The following ANXA10 variants were observed in gnomAD, a reference collection of about 807,000 sequenced individuals.
ANXA10 encodes annexin A10, also known as annexin 14.
A neutral mutation model predicts 53.5 loss-of-function variants in ANXA10; 49 were observed. That is an observed-to-expected ratio of 0.92 (90% CI 0.73 to 1.16). The LOEUF (loss-of-function observed/expected upper bound fraction) is 1.16, where lower values mean the gene tolerates loss of function less well. ANXA10 is among the 50% of genes most tolerant of loss of function. The pLI is 0.00. For missense variants in ANXA10, 393 were observed against 394.4 expected (o/e 1.00, Z 0.03); for synonymous variants, 131 against 128.9 (o/e 1.02, Z -0.11).
At chr4:168,139,644 A>C (rs1185916167) in intron 3 of ANXA10, 64 bp downstream of exon 3, 1 of 1,245,552 alleles carries the variant, frequency 8.0e-7, no homozygotes, top group Non-Finnish European at 1.1e-6. Flanking sequence ...ACACTCACGG[A>C]TAATAGGTAT....
chr4:168,178,034 AAAG>A (rs780761314), intron 8 of ANXA10, 51 bp downstream of exon 8: 9 of 1,532,590 alleles, frequency 5.9e-6, no homozygotes, highest in Non-Finnish European at 7.2e-6. Flanking sequence ...TATATAACAA[AAAG>A]AAGGTGGTTA....
intron 3 of ANXA10, among the ~76,000 whole-genome samples, chr4:168,152,219 A>G (rs1731509721): frequency 6.6e-6 from 1 of 152,190 alleles, no homozygotes; most frequent in Admixed American, 6.5e-5. Context: ...AATTTTAAAC[A>G]GGATAAACAG....
At chr4:168,155,916 TATATATC>T (rs1223027829) in intron 3 of ANXA10, among the ~76,000 whole-genome samples, 805 of 2,960 alleles carry the variant, frequency 0.27, 83 homozygotes, top group Middle Eastern at 0.5. Context: ...TATATTATAT[TATATATC>T]ATATATTATA....
chr4:168,126,632 A>C (rs1731074592), intron 1 of ANXA10, among the ~76,000 whole-genome samples: 1 of 151,988 alleles, frequency 6.6e-6, no homozygotes, highest in African/African-American at 2.4e-5. Context: ...TTCCCCCCAC[A>C]CCTTCTTCTC....
rs972351297 is a variant in ANXA10, at chr4:168,111,651, C to T, written c.19-16433C>T. The stretch of plus-strand genomic sequence containing the variant: ...GAACACTTACCTTGCCTGATACACT[C>T]GTGTTAATATCAAATAAGATAAAGA... On this transcript the variant is annotated intron_variant, in intron 1 of 11. Coordinates refer to ENST00000359299, the MANE Select transcript of ANXA10 (RefSeq NM_007193.5). 3.9e-5 allele frequency among the ~76,000 whole-genome samples: 6 copies of T among 152,170 alleles called. No homozygotes were observed. In the South Asian group the frequency reaches 8.3e-4, roughly 21 times the overall value.
chr4:168,119,819 C>G (rs1197788678), intron 1 of ANXA10, among the ~76,000 whole-genome samples: 1 of 151,924 alleles, frequency 6.6e-6, no homozygotes, highest in East Asian at 1.9e-4. Flanking sequence ...TAAGATAGTG[C>G]TGGAAAATAA....
intron 6 of ANXA10, among the ~76,000 whole-genome samples, chr4:168,167,904 C>G (rs1408204171): frequency 6.6e-6 from 1 of 152,130 alleles, no homozygotes; most frequent in Non-Finnish European, 1.5e-5. Context: ...CTTTTCAAAG[C>G]CTCTTCAAGT....
At chr4:168,150,282 C>T (rs1003327298) in intron 3 of ANXA10, among the ~76,000 whole-genome samples, 8 of 151,844 alleles carry the variant, frequency 5.3e-5, no homozygotes, top group Non-Finnish European at 1.2e-4. Context: ...AACAAAAAAC[C>T]CCAAATTTCA....
intron 11 of ANXA10, among the ~76,000 whole-genome samples, chr4:168,185,585 A>T (rs188423501): frequency 6.6e-6 from 1 of 152,318 alleles, no homozygotes; most frequent in Admixed American, 6.5e-5. Context: ...ATACAACCTA[A>T]CAAAGAATCC....
chr4:168,152,267 G>C (rs1731510789), intron 3 of ANXA10, among the ~76,000 whole-genome samples: 2 of 152,180 alleles, frequency 1.3e-5, no homozygotes, highest in South Asian at 2.1e-4. Context: ...GGTGGACCCT[G>C]TGAATACCTA....
chr4:168,116,291 A>G (rs1730892994), intron 1 of ANXA10, among the ~76,000 whole-genome samples: 1 of 152,210 alleles, frequency 6.6e-6, no homozygotes, highest in Admixed American at 6.5e-5. Context: ...TAAACGGTCT[A>G]TTGGCAAGCA....
intron 1 of ANXA10, among the ~76,000 whole-genome samples, chr4:168,118,573 G>A (rs1316793884): frequency 2.0e-5 from 3 of 152,126 alleles, no homozygotes; most frequent in Non-Finnish European, 2.9e-5. Flanking sequence ...AGTAATGAAT[G>A]GGGAGTTGGT....
At chr4:168,148,272 A>G (rs761137280) in intron 3 of ANXA10, among the ~76,000 whole-genome samples, 10 of 151,760 alleles carry the variant, frequency 6.6e-5, no homozygotes, top group African/African-American at 2.2e-4. Context: ...GGTTCAAGCA[A>G]TTCTCTGCCT....
At chr4:168,116,328 C>T (rs910661889) in intron 1 of ANXA10, among the ~76,000 whole-genome samples, 1 of 152,162 alleles carries the variant, frequency 6.6e-6, no homozygotes, top group Non-Finnish European at 1.5e-5. Flanking sequence ...ACTGAGGCTA[C>T]AGATATGACC....
At chr4:168,181,390 CAAAA>C (rs556987548) in intron 9 of ANXA10, among the ~76,000 whole-genome samples, 4 of 93,390 alleles carry the variant, frequency 4.3e-5, no homozygotes, top group Admixed American at 1.1e-4. Context: ...GACTCCGTCT[CAAAA>C]AAAAAAAAAA....
intron 1 of ANXA10, among the ~76,000 whole-genome samples, chr4:168,107,857 T>A (rs1310119731): frequency 6.6e-6 from 1 of 152,126 alleles, no homozygotes; most frequent in East Asian, 1.9e-4. Context: ...AATACCATTA[T>A]ATTGGGGGGT....
chr4:168,121,019 T>C (rs1332171718), intron 1 of ANXA10, among the ~76,000 whole-genome samples: 1 of 152,100 alleles, frequency 6.6e-6, no homozygotes, highest in African/African-American at 2.4e-5. Context: ...ATTCAATATA[T>C]TTCTGTTACT....
intron 2 of ANXA10, among the ~76,000 whole-genome samples, chr4:168,135,731 C>A (rs1332957376): frequency 6.6e-6 from 1 of 152,098 alleles, no homozygotes; most frequent in African/African-American, 2.4e-5. Context: ...TCACTCTATC[C>A]CTCAGAAGCA....
intron 3 of ANXA10, among the ~76,000 whole-genome samples, chr4:168,155,815 T>G (rs796686104): frequency 0.046 from 546 of 11,982 alleles, 70 homozygotes; most frequent in East Asian, 0.22. Flanking sequence ...TATGATATAT[T>G]ATATATGATA....
Sources: allele counts gnomAD v4.1 joint callset (sites outside exome capture counted in the v4.1 genomes callset), GRCh38; gene constraint gnomAD v4.1.1; transcripts MANE v1.5; gene names NCBI Gene and HGNC (gene_info 2026-07-23, HGNC 2026-07-21).